Variants in THAP10 observed in about 807,000 individuals in gnomAD.
The protein encoded by THAP10 is THAP domain-containing protein 10.
THAP10 carries 10 observed loss-of-function variants against 15.7 expected under a neutral mutation model. The observed-to-expected ratio is 0.64, with a 90% CI of 0.39 to 1.08. The LOEUF (loss-of-function observed/expected upper bound fraction) is 1.08, where lower values mean the gene tolerates loss of function less well. THAP10 is among the 50% of genes least tolerant of loss of function. The probability of loss-of-function intolerance (pLI) is 0.01; values close to 1 mark genes in which losing one functional copy is unlikely to be tolerated. For synonymous variants in THAP10, 127 were observed against 129.1 expected (o/e 0.98, Z 0.11); for missense variants, 310 against 330.9 (o/e 0.94, Z 0.49).
chr15:70,891,978 T>A lies in THAP10; in HGVS notation c.295A>T (p.Arg99Trp), dbSNP rs2141093642. ...LHRVPAPAPK[R>W]GEEGDQAGRL... Reference sequence around the variant, plus strand: ...CCTGCTTGGTCTCCCTCCTCTCCCCTCTTAGGTGCCGGGGCGGGCACCCGG... The same window carrying A: ...CCTGCTTGGTCTCCCTCCTCTCCCCACTTAGGTGCCGGGGCGGGCACCCGG... The change falls in exon 1 of 3, where the codon AGG becomes TGG. Residue 99 changes from arginine to tryptophan, a missense_variant. Coordinates refer to ENST00000249861, the MANE Select transcript of THAP10 (RefSeq NM_020147.4). 6.2e-7 allele frequency: 1 copy of A among 1,613,422 alleles called. No individual in the cohort carries two copies. Among genetic ancestry groups the A allele is most frequent in the Non-Finnish European group, 8.5e-7 (1 of 1,179,782 alleles).
At chr15:70,887,214 C>A (rs577744403) in intron 1 of THAP10, among the ~76,000 whole-genome samples, 1 of 151,996 alleles carries the variant, frequency 6.6e-6, no homozygotes, top group South Asian at 2.1e-4. Flanking sequence ...TGGATATATG[C>A]CATTTTATAT....
chr15:70,883,284 C>T (rs942986869), intron 1 of THAP10, among the ~76,000 whole-genome samples: 4 of 152,068 alleles, frequency 2.6e-5, no homozygotes, highest in African/African-American at 4.8e-5. Flanking sequence ...CTCCGCCTGC[C>T]GGGTTCAAGT....
chr15:70,882,689 T>C (rs1448116422), intron 2 of THAP10, 39 bp from the exon 3 acceptor site: 2 of 1,611,558 alleles, frequency 1.2e-6, no homozygotes, highest in Middle Eastern at 1.7e-4. Context: ...GAGTTAGACT[T>C]TGCTTTTCAT....
intron 1 of THAP10, among the ~76,000 whole-genome samples, chr15:70,889,339 T>A (rs780722940): frequency 1.3e-5 from 2 of 151,868 alleles, no homozygotes; most frequent in Non-Finnish European, 2.9e-5. Flanking sequence ...GGCTACAGTA[T>A]GATTTGATTT....
rs777771696 is a variant in THAP10, at chr15:70,892,187, A to C, written c.86T>G (p.Val29Gly). 4.3e-6 allele frequency: 7 copies of C among 1,609,580 alleles called. No homozygotes were observed. The South Asian group carries it at 7.8e-5, about 18-fold the overall frequency. ...CACGAAGCGGTCCCAGAGCAGCCGC[A>C]CGGCCCGGTCCTTGGGAAAGCGGAA... The part of the protein sequence containing the change: ...SLFRFPKDRA[V>G]RLLWDRFVRG... The change falls in exon 1 of 3, where the codon GTG (valine) becomes GGG (glycine). Residue 29 changes from valine (V) to glycine (G), a missense_variant. By Grantham distance (109) the Val-to-Gly change is moderately radical. Transcript: ENST00000249861.
Position 70,881,596 on chromosome 15 carries a change from A to C in THAP10, c.*858T>G, listed in dbSNP as rs1348338012. On this transcript the variant is annotated 3_prime_UTR_variant, in exon 3 of 3. Transcript: ENST00000249861. ...CTTCATGGTACAAAATTGCCATAGA[A>C]ATTTTTCCTGGTGAATGGCAGACGG... 9.2e-5 allele frequency: 14 copies of C among 152,194 alleles called. No individual in the cohort carries two copies. The allele number at this position is 152,194 out of a possible 1,614,324, so 9.4% of individuals were successfully genotyped here.
chr15:70,884,571 A>G (rs1162125949), intron 1 of THAP10, among the ~76,000 whole-genome samples: 1 of 152,128 alleles, frequency 6.6e-6, no homozygotes, highest in Non-Finnish European at 1.5e-5. Flanking sequence ...AAACTTTGTA[A>G]AGAAATTCCT....
At position 70,891,840 on chromosome 15, in the gene THAP10, T is replaced by C. The variant is rs760615131; in HGVS notation, c.429+4A>G. 2.5e-5 allele frequency: 39 copies of C among 1,579,602 alleles called. No individual in the cohort carries two copies. Among genetic ancestry groups the C allele is most frequent in the Non-Finnish European group, 8.6e-6 (10 of 1,166,350 alleles). On this transcript the variant is annotated splice_donor_region_variant and intron_variant, in intron 1 of 2. Coordinates refer to ENST00000249861, the MANE Select transcript of THAP10 (RefSeq NM_020147.4). ...TTACACAACCTTCGGTGGTCTCTCT[T>C]TACCTGTGAAGCTGCAGCCTGCTTC...
In THAP10 at chr15:70,892,280, G is replaced by A; in HGVS notation, c.-8C>T. Reference sequence around the variant, plus strand: ...CACACAACGGGCCGGCATGGCGGCCGTCTTCGGTGCGCGGGAGCCGGGTTC... The same window carrying A: ...CACACAACGGGCCGGCATGGCGGCCATCTTCGGTGCGCGGGAGCCGGGTTC... On this transcript the variant is annotated 5_prime_UTR_variant, in exon 1 of 3. In the 5' UTR this introduces an upstream ATG that the reference lacks. Transcript: ENST00000249861. 1 of 1,557,816 alleles carries A rather than the reference G, an allele frequency of 6.4e-7. No individual in the cohort carries two copies. The highest frequency in any genetic ancestry group is 8.7e-7 in the Non-Finnish European group (1 of 1,150,534).
chr15:70,886,719 A>C (rs1268836018), intron 1 of THAP10, among the ~76,000 whole-genome samples: 1 of 152,000 alleles, frequency 6.6e-6, no homozygotes, highest in Non-Finnish European at 1.5e-5. Flanking sequence ...TACAAAAATT[A>C]GCTGGGTGCG....
chr15:70,882,603 T>C lies in THAP10; in HGVS notation c.625A>G (p.Thr209Ala), dbSNP rs375612486. ...KAFGKRLCNATTQTEELWSRT... is the reference protein window; with the variant it reads ...KAFGKRLCNAATQTEELWSRT... Reference sequence around the variant, plus strand: ...GACCACAATTCCTCTGTCTGAGTAGTTGCATTACACAGTCTTTTTCCAAAC... The same window carrying C: ...GACCACAATTCCTCTGTCTGAGTAGCTGCATTACACAGTCTTTTTCCAAAC... Residue 209 changes from threonine (T) to alanine (A), a missense_variant, in exon 3 of 3, where the codon ACT becomes GCT. By Grantham distance (58) the Thr-to-Ala change is moderately conservative. Coordinates refer to ENST00000249861, the MANE Select transcript of THAP10 (RefSeq NM_020147.4). 187 of 1,614,106 alleles carry C rather than the reference T, an allele frequency of 1.2e-4. 1 individual carries two copies. The East Asian group carries it at 3.6e-3, about 31-fold the overall frequency.
chr15:70,885,404 A>G (rs149774560), intron 1 of THAP10, among the ~76,000 whole-genome samples: 1,892 of 152,330 alleles, frequency 0.012, 41 homozygotes, highest in African/African-American at 0.042. Context: ...CTATTTATCA[A>G]AATAAAAACA....
rs2033280575 is a variant in THAP10, at chr15:70,882,219, C to T, written c.*235G>A. ...GTTTTGCTTTGTAACCTGATTTCTA[C>T]CAAAAGGATTAAAAGAAAAAAAAAG... On this transcript the variant is annotated 3_prime_UTR_variant, in exon 3 of 3. Coordinates refer to ENST00000249861, the MANE Select transcript of THAP10 (RefSeq NM_020147.4). The T allele has an allele frequency of 5.1e-6, 2 of 389,168 alleles. No individual in the cohort carries two copies. Among genetic ancestry groups the T allele is most frequent in the Admixed American group, 4.1e-5 (1 of 24,430 alleles). The allele number at this position is 389,168 out of a possible 1,614,324, so 24.1% of individuals were successfully genotyped here. A position where few individuals can be genotyped will look rare whatever the true frequency, so the allele number is the denominator to read the frequency against.
intron 1 of THAP10, among the ~76,000 whole-genome samples, chr15:70,887,105 T>C (rs1267201521): frequency 6.6e-6 from 1 of 152,112 alleles, no homozygotes; most frequent in African/African-American, 2.4e-5. Context: ...TGAATAACCT[T>C]ATAACAAAGA....
At chr15:70,882,997 C>A in intron 1 of THAP10, 89 bp from the exon 2 acceptor site, 1 of 1,401,712 alleles carries the variant, frequency 7.1e-7, no homozygotes, top group South Asian at 1.4e-5. Context: ...GACAGTATAG[C>A]TGAAAATTTT....
chr15:70,883,537 CAT>C (rs1208741348), intron 1 of THAP10, among the ~76,000 whole-genome samples: 28 of 152,112 alleles, frequency 1.8e-4, no homozygotes, highest in Admixed American at 5.9e-4. Flanking sequence ...TCTTAGCAGT[CAT>C]ATTATTCTAG....
At chr15:70,891,786 G>A (rs2033581886) in intron 1 of THAP10, 58 bp downstream of exon 1, 1 of 1,418,036 alleles carries the variant, frequency 7.1e-7, no homozygotes, top group South Asian at 1.4e-5. Context: ...GACACTAAGT[G>A]GAGGAGCCCA....
chr15:70,885,388 C>T (rs562831472), intron 1 of THAP10, among the ~76,000 whole-genome samples: 1 of 152,236 alleles, frequency 6.6e-6, no homozygotes, highest in South Asian at 2.1e-4. Context: ...GTACTATAAA[C>T]CCTTTCTATT....
chr15:70,881,775 C>T lies in THAP10; in HGVS notation c.*679G>A, dbSNP rs1174272667. The T allele has an allele frequency of 6.6e-6, 1 of 152,126 alleles. No homozygotes were observed. Among genetic ancestry groups the T allele is most frequent in the Non-Finnish European group, 1.5e-5 (1 of 68,012 alleles). The allele number at this position is 152,126 out of a possible 1,614,324, so 9.4% of individuals were successfully genotyped here. A position where few individuals can be genotyped will look rare whatever the true frequency, so the allele number is the denominator to read the frequency against. ...ATGATTCTAATCTAAATTAATCAAGCTAATTAATGTGTCGCAGTAAGCACT... is the reference window on the plus strand; with the variant it reads ...ATGATTCTAATCTAAATTAATCAAGTTAATTAATGTGTCGCAGTAAGCACT... On this transcript the variant is annotated 3_prime_UTR_variant, in exon 3 of 3. Coordinates refer to ENST00000249861, the MANE Select transcript of THAP10 (RefSeq NM_020147.4).
Sources: gnomAD v4.1 joint callset for allele counts (sites outside exome capture counted in the v4.1 genomes callset) on GRCh38, gnomAD v4.1.1 for gene constraint, MANE v1.5 for transcripts, NCBI Gene and HGNC (gene_info 2026-07-23, HGNC 2026-07-21) for gene names.